The following BCAS3 variants were observed in gnomAD, a reference collection of about 807,000 sequenced individuals.
BCAS3 encodes BCAS4/BCAS3 fusion.
A neutral mutation model predicts 116.1 loss-of-function variants in BCAS3; 53 were observed. That is an observed-to-expected ratio of 0.46 (90% CI 0.37 to 0.57). BCAS3 has a LOEUF of 0.57. Among genes scored for constraint, BCAS3 ranks in the 20% least tolerant of loss-of-function variants. The pLI, the probability that BCAS3 is intolerant of heterozygous loss-of-function variation, is 0.00. For missense variants in BCAS3, 917 were observed against 1,165.4 expected, an observed-to-expected ratio of 0.79 and a Z score of 3.10; for synonymous variants, 391 against 408.2, an observed-to-expected ratio of 0.96 and a Z score of 0.51.
chr17:61,338,426 G>A (rs1375159529), intron 22 of BCAS3, among the ~76,000 whole-genome samples: 2 of 141,760 alleles, frequency 1.4e-5, no homozygotes, highest in African/African-American at 5.0e-5. Flanking sequence ...ATAAAAGATT[G>A]TGTGGGTTCT....
chr17:61,202,835 A>G (rs900487591), intron 22 of BCAS3, among the ~76,000 whole-genome samples: 35 of 152,208 alleles, frequency 2.3e-4, no homozygotes, highest in African/African-American at 8.4e-4. Context: ...AGTCAATCGT[A>G]GAAATAAATA....
In BCAS3 at chr17:61,023,844, G is replaced by A. The variant is rs2066039969; in HGVS notation, c.1637+7943G>A. Among the ~76,000 whole-genome samples, 1 of 151,938 alleles carries A rather than the reference G, an allele frequency of 6.6e-6. No individual in the cohort carries two copies. Among genetic ancestry groups the A allele is most frequent in the African/African-American group, 2.4e-5 (1 of 41,354 alleles). ...CCTGAGATTTGAAAATCAGAATTCA[G>A]GTCAAAAAGGATATAATTATGACAA... On this transcript the variant is annotated intron_variant, in intron 16 of 23. Transcript: ENST00000407086. The surrounding 1 kb of genome is among the most constrained non-coding windows in gnomAD (Gnocchi z 4.8).
intron 22 of BCAS3, among the ~76,000 whole-genome samples, chr17:61,269,802 CTT>C (rs775560445): frequency 2.1e-4 from 29 of 139,648 alleles, no homozygotes; most frequent in Admixed American, 2.9e-4. Context: ...TTCTTTCTTT[CTT>C]TTTTTTTTTT....
chr17:60,985,993 T>C (rs2063120142), intron 14 of BCAS3, among the ~76,000 whole-genome samples: 1 of 152,214 alleles, frequency 6.6e-6, no homozygotes, highest in Admixed American at 6.5e-5. Context: ...TGCCTTGGCC[T>C]CCCAAACTGC....
At chr17:60,749,595 A>T (rs907536381) in intron 6 of BCAS3, among the ~76,000 whole-genome samples, 8 of 152,136 alleles carry the variant, frequency 5.3e-5, no homozygotes, top group Non-Finnish European at 1.5e-5. Context: ...TTAATTTTTT[A>T]AAATTAATTT....
At chr17:61,027,871 A>C (rs2066368978) in intron 16 of BCAS3, among the ~76,000 whole-genome samples, 2 of 151,922 alleles carry the variant, frequency 1.3e-5, no homozygotes, top group Non-Finnish European at 2.9e-5. Context: ...AGCTGCTACC[A>C]CTGTTTCTTT....
rs985068490 is a variant in BCAS3 at position 61,171,413 on chromosome 17, T to G, written c.2425+86849T>G. 6.6e-6 allele frequency among the ~76,000 whole-genome samples: 1 copy of G among 152,016 alleles called. No individual in the cohort carries two copies. The highest frequency in any genetic ancestry group is 2.4e-5 in the African/African-American group (1 of 41,370). ...AAATGTATGAACTAATAGAAAACAT[T>G]TAGCAAGATGGTAGATTTAAACTTG... On this transcript the variant is annotated intron_variant, in intron 22 of 23. Transcript: ENST00000407086. The surrounding 1 kb of genome is among the most constrained non-coding windows in gnomAD (Gnocchi z 4.1).
At chr17:60,800,188 C>A (rs557243196) in intron 6 of BCAS3, among the ~76,000 whole-genome samples, 1 of 152,028 alleles carries the variant, frequency 6.6e-6, no homozygotes, top group Non-Finnish European at 1.5e-5. Flanking sequence ...GTGATGATTG[C>A]GGCATTTTAT....
chr17:61,341,329 G>A (rs891366929), intron 22 of BCAS3, among the ~76,000 whole-genome samples: 1 of 152,202 alleles, frequency 6.6e-6, no homozygotes, highest in African/African-American at 2.4e-5. Flanking sequence ...GCCACCACAG[G>A]AGAGGACTCC....
At chr17:60,848,274 C>T (rs937135231) in intron 7 of BCAS3, among the ~76,000 whole-genome samples, 1 of 152,138 alleles carries the variant, frequency 6.6e-6, no homozygotes, top group Non-Finnish European at 1.5e-5. Flanking sequence ...CTGTTTGGTG[C>T]ACCTTGTACT....
At chr17:60,788,681 T>C (rs2046493758) in intron 6 of BCAS3, among the ~76,000 whole-genome samples, 2 of 152,162 alleles carry the variant, frequency 1.3e-5, no homozygotes, top group Non-Finnish European at 2.9e-5. Flanking sequence ...CTCTCTATTT[T>C]CCTATTTCTC....
chr17:60,970,076 A>G (rs1203448713), intron 14 of BCAS3, among the ~76,000 whole-genome samples: 1 of 152,208 alleles, frequency 6.6e-6, no homozygotes, highest in Non-Finnish European at 1.5e-5. Context: ...AATAGAAAGG[A>G]TGATTTTTCC....
In BCAS3 at chr17:60,692,728, C is replaced by T. The variant is rs142815496; in HGVS notation, c.214+2967C>T. 2.5e-3 allele frequency among the ~76,000 whole-genome samples: 353 copies of T among 140,590 alleles called. 7 individuals carry two copies. The highest frequency in any genetic ancestry group is 8.7e-3 in the African/African-American group (332 of 38,274). The allele number at this position is 140,590 out of a possible 152,430, so 92.2% of individuals were successfully genotyped here. A position where few individuals can be genotyped will look rare whatever the true frequency, so the allele number is the denominator to read the frequency against. ...CAGCCTGGGCAACAGAGCGAGACTCCATCTCAAAAAAAAAAAAAATTAGCT... is the reference window on the plus strand; with the variant it reads ...CAGCCTGGGCAACAGAGCGAGACTCTATCTCAAAAAAAAAAAAAATTAGCT... On this transcript the variant is annotated intron_variant, in intron 4 of 23. Coordinates refer to ENST00000407086, the MANE Select transcript of BCAS3 (RefSeq NM_017679.5).
At chr17:61,078,791 CT>C (rs1289661453) in intron 21 of BCAS3, among the ~76,000 whole-genome samples, 1 of 152,162 alleles carries the variant, frequency 6.6e-6, no homozygotes, top group African/African-American at 2.4e-5. Context: ...AGCAATTCCA[CT>C]TTTTGATGCT....
In BCAS3 at chr17:61,362,588, A is replaced by C. The variant is rs2058509769; in HGVS notation, c.2426-5739A>C. The C allele has an allele frequency of 6.6e-6, 1 of 152,170 alleles. No individual in the cohort carries two copies. The highest frequency in any genetic ancestry group is 2.1e-4 in the South Asian group (1 of 4,824). The allele number at this position is 152,170 out of a possible 1,614,324, so 9.4% of individuals were successfully genotyped here. On this transcript the variant is annotated intron_variant, in intron 22 of 23. Coordinates refer to ENST00000407086, the MANE Select transcript of BCAS3 (RefSeq NM_017679.5). This position sits in a 1 kb window ranked among gnomAD's most constrained non-coding sequence, Gnocchi z 4.4. ...ACAAAGGCAAAGCACGTGTTCCCCC[A>C]GCCTCCCCAGGAGCTACCAGCTTGC... is the stretch of plus-strand genomic sequence containing the variant.
chr17:61,271,098 T>C (rs1424674666), intron 22 of BCAS3, among the ~76,000 whole-genome samples: 1 of 150,914 alleles, frequency 6.6e-6, no homozygotes, highest in African/African-American at 2.4e-5. Context: ...TTGTACATGG[T>C]GTAAGGGAAG....
At chr17:61,271,124 CTTTTT>C (rs1198682844) in intron 22 of BCAS3, among the ~76,000 whole-genome samples, 1 of 107,124 alleles carries the variant, frequency 9.3e-6, no homozygotes, top group Non-Finnish European at 1.9e-5. Flanking sequence ...AACTTTTATT[CTTTTT>C]TTTTTTTTTT....
intron 6 of BCAS3, among the ~76,000 whole-genome samples, chr17:60,757,686 A>G (rs2043139561): frequency 1.3e-5 from 2 of 152,080 alleles, no homozygotes; most frequent in Non-Finnish European, 2.9e-5. Flanking sequence ...ATAGTTTGCA[A>G]ATATTTTCTT....
intron 14 of BCAS3, among the ~76,000 whole-genome samples, chr17:60,979,210 G>A (rs1375602620): frequency 1.3e-5 from 2 of 151,118 alleles, no homozygotes; most frequent in Non-Finnish European, 3.0e-5. Context: ...CCTTGAAGAG[G>A]TCCTTCACAT....
Sources: gnomAD v4.1 joint callset for allele counts (sites outside exome capture counted in the v4.1 genomes callset) on GRCh38, gnomAD v4.1.1 for gene constraint, Gnocchi (gnomAD v3.1) non-coding constraint, MANE v1.5 for transcripts, NCBI Gene and HGNC (gene_info 2026-07-23, HGNC 2026-07-21) for gene names.